ADGRD1: variants seen among roughly 807,000 people sequenced by gnomAD.
ADGRD1 encodes the protein G-protein coupled receptor 133.
Under a neutral mutation model 113.4 loss-of-function variants are expected in ADGRD1, and 77 were observed. The observed-to-expected ratio is 0.68, with a 90% CI of 0.57 to 0.82. The LOEUF (loss-of-function observed/expected upper bound fraction) is 0.82, where lower values mean the gene tolerates loss of function less well. Ranked by LOEUF, ADGRD1 falls within the 40% of genes least tolerant of loss-of-function variation. ADGRD1 has a pLI of 0.00. For missense variants in ADGRD1, 1,036 were observed against 1,139.1 expected (o/e 0.91, Z 1.30); for synonymous variants, 474 against 475.0 (o/e 1.00, Z 0.03).
At chr12:131,132,997 G>A (rs1225049023) in intron 21 of ADGRD1, among the ~76,000 whole-genome samples, 1 of 152,184 alleles carries the variant, frequency 6.6e-6, no homozygotes, top group Non-Finnish European at 1.5e-5. Flanking sequence ...CCTGACAAGA[G>A]GCTGCAGCCT....
intron 2 of ADGRD1, among the ~76,000 whole-genome samples, chr12:130,959,675 G>T (rs1338034981): frequency 6.6e-6 from 1 of 152,156 alleles, no homozygotes; most frequent in East Asian, 1.9e-4. Flanking sequence ...GCATGCATTC[G>T]GCTCACAGGT....
chr12:131,082,951 C>A (rs896419031), intron 14 of ADGRD1, among the ~76,000 whole-genome samples: 5 of 152,188 alleles, frequency 3.3e-5, no homozygotes, highest in African/African-American at 1.2e-4. Flanking sequence ...TCGGAAAGAC[C>A]GTCCCAACCC....
chr12:131,046,999 C>T (rs1404850188), intron 13 of ADGRD1, among the ~76,000 whole-genome samples: 1 of 149,888 alleles, frequency 6.7e-6, no homozygotes, highest in Admixed American at 6.6e-5. Flanking sequence ...CCTCCCTGGT[C>T]AGTGTCCTCC....
At chr12:131,124,978 G>T (rs922955338) in intron 20 of ADGRD1, among the ~76,000 whole-genome samples, 3 of 152,124 alleles carry the variant, frequency 2.0e-5, no homozygotes, top group Non-Finnish European at 4.4e-5. Flanking sequence ...TCGAGGTGTC[G>T]TCAGGGTTGG....
Position 131,041,319 on chromosome 12 carries a change from G to A in ADGRD1, c.1473+26979G>A, listed in dbSNP as rs1340389538. On this transcript the variant is annotated intron_variant, in intron 13 of 24. Coordinates refer to ENST00000261654, the MANE Select transcript of ADGRD1 (RefSeq NM_198827.5). The surrounding 1 kb of genome is among the most constrained non-coding windows in gnomAD (Gnocchi z 4.4). ...TGCAAAGGAGCTGCAGAGGATACCA[G>A]CCCTGGAAGGAGGAAGTTGTCTGGG... Among the ~76,000 whole-genome samples the A allele has an allele frequency of 2.0e-5, 3 of 152,136 alleles. No individual in the cohort carries two copies. The East Asian group carries it at 5.8e-4, about 29-fold the overall frequency.
intron 13 of ADGRD1, chr12:131,026,779 T>TG (rs1277611263): frequency 6.6e-6 from 1 of 152,100 alleles, no homozygotes; most frequent in Non-Finnish European, 1.5e-5. Context: ...ATCGCCAATA[T>TG]ACCCGGGAGA....
At chr12:131,082,819 C>T (rs1041522048) in intron 14 of ADGRD1, among the ~76,000 whole-genome samples, 7 of 152,186 alleles carry the variant, frequency 4.6e-5, no homozygotes, top group Non-Finnish European at 8.8e-5. Flanking sequence ...CTCGCTTTGT[C>T]CTCTGCTCTC....
chr12:131,061,017 T>C (rs571604279), intron 13 of ADGRD1, among the ~76,000 whole-genome samples: 215 of 152,218 alleles, frequency 1.4e-3, no homozygotes, highest in African/African-American at 4.5e-3. Context: ...GACTCATCCC[T>C]GTGAATGAGC....
At chr12:131,070,950 G>A (rs1885116549) in intron 13 of ADGRD1, 11 of 518,824 alleles carry the variant, frequency 2.1e-5, no homozygotes, top group South Asian at 1.5e-4. Context: ...GCCTGAGAAG[G>A]GGCTGTGGGC....
intron 13 of ADGRD1, among the ~76,000 whole-genome samples, chr12:131,036,402 C>G (rs1881389808): frequency 6.7e-6 from 1 of 149,570 alleles, no homozygotes. Context: ...ACTCACTGCA[C>G]CAGGGTCTTA....
At chr12:131,004,375 G>A in intron 11 of ADGRD1, 79 bp downstream of exon 11, 1 of 1,073,536 alleles carries the variant, frequency 9.3e-7, no homozygotes, top group Non-Finnish European at 1.4e-6. Context: ...TTTGCTGGGT[G>A]CCCACCGCGC....
chr12:131,137,140 C>T (rs764535091), intron 23 of ADGRD1, 126 bp downstream of exon 23: 311 of 790,398 alleles, frequency 3.9e-4, no homozygotes, highest in Non-Finnish European at 6.2e-4. Context: ...GAGCCAGCCA[C>T]GTTCCTGATG....
At chr12:131,132,883 G>A (rs764982612) in intron 21 of ADGRD1, among the ~76,000 whole-genome samples, 5 of 152,230 alleles carry the variant, frequency 3.3e-5, no homozygotes, top group Non-Finnish European at 5.9e-5. Context: ...TGTTACTTCA[G>A]CCACCGCGTA....
intron 8 of ADGRD1, among the ~76,000 whole-genome samples, chr12:130,997,055 A>G (rs2136691089): frequency 1.8e-5 from 2 of 113,238 alleles, no homozygotes; most frequent in Admixed American, 8.5e-5. Flanking sequence ...GGCCAGGCAG[A>G]GGGGCTCCTC....
At chr12:131,065,056 A>T (rs1884607294) in intron 13 of ADGRD1, among the ~76,000 whole-genome samples, 1 of 151,694 alleles carries the variant, frequency 6.6e-6, no homozygotes, top group Admixed American at 6.6e-5. Flanking sequence ...TTTACCTTCT[A>T]CTCCCTTCTC....
intron 13 of ADGRD1, among the ~76,000 whole-genome samples, chr12:131,045,111 C>T (rs1882547887): frequency 1.3e-5 from 2 of 152,246 alleles, no homozygotes; most frequent in African/African-American, 4.8e-5. Context: ...TCCAGGGGGC[C>T]TCCAGGCAGG....
At chr12:130,979,849 A>C (rs1872739788) in intron 4 of ADGRD1, among the ~76,000 whole-genome samples, 1 of 150,632 alleles carries the variant, frequency 6.6e-6, no homozygotes, top group Admixed American at 6.6e-5. Flanking sequence ...ACACACACAC[A>C]CACACACACA....
At position 131,138,175 on chromosome 12, in the gene ADGRD1, G is replaced by C. The variant is rs754268247; in HGVS notation, c.2475G>C (p.Ser825=). 1.2e-6 allele frequency: 2 copies of C among 1,613,632 alleles called. No homozygotes were observed. The highest frequency in any genetic ancestry group is 3.3e-5 in the Admixed American group (2 of 60,014). ...AAFKHKTKVW[S]LTSSSARTSN... The stretch of plus-strand genomic sequence containing the variant: ...TCAAGCACAAAACCAAGGTCTGGTC[G>C]CTCACGAGCAGCTCTGCCCGCACCT... The change falls in exon 24 of 25, where the codon TCG becomes TCC. Residue 825 remains serine (S), a synonymous_variant. Transcript: ENST00000261654.
intron 14 of ADGRD1, among the ~76,000 whole-genome samples, chr12:131,082,258 T>G (rs1886130510): frequency 6.6e-6 from 1 of 152,240 alleles, no homozygotes. Context: ...AACATTTTTC[T>G]GTTTAGATGC....
Sources: gnomAD v4.1 joint callset for allele counts (sites outside exome capture counted in the v4.1 genomes callset) on GRCh38, gnomAD v4.1.1 for gene constraint, Gnocchi (gnomAD v3.1) non-coding constraint, MANE v1.5 for transcripts, NCBI Gene and HGNC (gene_info 2026-07-23, HGNC 2026-07-21) for gene names.